Variants in WIPF3 observed in about 807,000 individuals in gnomAD.
The protein encoded by WIPF3 is WAS/WASL interacting protein family member 3.
In WIPF3, 33 loss-of-function variants were observed where a neutral mutation model predicts 38.9. The ratio of observed to expected loss-of-function variants is 0.85; its 90% confidence interval spans 0.64 to 1.14. WIPF3 has a LOEUF of 1.14. Among genes scored for constraint, WIPF3 ranks in the 50% most tolerant of loss-of-function variants. The probability of loss-of-function intolerance (pLI) is 0.00; values close to 1 mark genes in which losing one functional copy is unlikely to be tolerated. For missense variants in WIPF3, 711 were observed against 652.5 expected (o/e 1.09, Z -0.98); for synonymous variants, 324 against 269.3 (o/e 1.20, Z -1.99).
rs1351061649 is a variant in WIPF3 at position 29,878,598 on chromosome 7, T to C, written c.224-411T>C. 6.6e-6 allele frequency among the ~76,000 whole-genome samples: 1 copy of C among 152,210 alleles called. No homozygotes were observed. Among genetic ancestry groups the C allele is most frequent in the Non-Finnish European group, 1.5e-5 (1 of 68,034 alleles). On this transcript the variant is annotated intron_variant, in intron 3 of 8. Transcript: ENST00000242140. The surrounding 1 kb of genome is among the most constrained non-coding windows in gnomAD (Gnocchi z 4.0). ...CAAGAAGTTAAAATGACTGACTGAA[T>C]TAAATCTGTGGGTTTTCTTTGTCTA...
At chr7:29,837,640 AT>A (rs1185448728) in intron 2 of WIPF3, among the ~76,000 whole-genome samples, 1 of 152,110 alleles carries the variant, frequency 6.6e-6, no homozygotes, top group Non-Finnish European at 1.5e-5. Flanking sequence ...AAATTTTAAT[AT>A]TTTCTTAAAA....
chr7:29,881,973 G>A (rs1428495737), intron 4 of WIPF3, among the ~76,000 whole-genome samples: 1 of 152,126 alleles, frequency 6.6e-6, no homozygotes, highest in Admixed American at 6.5e-5. Flanking sequence ...CTCTCTGTCG[G>A]CCCAGGCCTG....
At chr7:29,902,187 A>C (rs1381604961) in intron 7 of WIPF3, among the ~76,000 whole-genome samples, 1 of 151,700 alleles carries the variant, frequency 6.6e-6, no homozygotes, top group Non-Finnish European at 1.5e-5. Flanking sequence ...GAGTTTCTTA[A>C]ATCTAAGAAC....
At chr7:29,814,707 G>A (rs1343706911) in intron 1 of WIPF3, among the ~76,000 whole-genome samples, 2 of 152,214 alleles carry the variant, frequency 1.3e-5, no homozygotes, top group Non-Finnish European at 2.9e-5. Context: ...TGTTTTGGGG[G>A]ATGAGAGATA....
intron 1 of WIPF3, among the ~76,000 whole-genome samples, chr7:29,814,748 G>A (rs1006578039): frequency 3.9e-5 from 6 of 152,224 alleles, no homozygotes; most frequent in African/African-American, 1.4e-4. Context: ...AATTGCTAGT[G>A]TAGGGAATAT....
intron 2 of WIPF3, among the ~76,000 whole-genome samples, chr7:29,835,654 T>C (rs1476132560): frequency 6.6e-6 from 1 of 152,212 alleles, no homozygotes; most frequent in African/African-American, 2.4e-5. Context: ...TGGCAAACTT[T>C]TCCTCTGAAG....
intron 1 of WIPF3, 144 bp downstream of exon 1, chr7:29,806,822 C>T (rs113011665): frequency 6.6e-6 from 1 of 151,446 alleles, no homozygotes. Context: ...CCGGGGAACC[C>T]CCGCCGGGCT....
intron 2 of WIPF3, among the ~76,000 whole-genome samples, chr7:29,849,284 T>C (rs1201872370): frequency 6.6e-6 from 1 of 152,320 alleles, no homozygotes; most frequent in South Asian, 2.1e-4. Context: ...GCAACAGGAA[T>C]GTCAGAGAAG....
intron 7 of WIPF3, 42 bp from the exon 8 acceptor site, chr7:29,904,244 C>A: frequency 6.3e-7 from 1 of 1,595,386 alleles, no homozygotes; most frequent in Non-Finnish European, 8.6e-7. Context: ...CACACCCGGT[C>A]CCTGGGCCAA....
Position 29,914,949 on chromosome 7 carries a change from TCAAAC to T in WIPF3, c.*438_*442del, listed in dbSNP as rs1786578552. The T allele has an allele frequency of 6.5e-6, 1 of 153,078 alleles. No individual in the cohort carries two copies. The highest frequency in any genetic ancestry group is 2.4e-5 in the African/African-American group (1 of 41,430). 9.5% of individuals were successfully genotyped at this position (153,078 alleles called of 1,614,324 possible). On this transcript the variant is annotated 3_prime_UTR_variant, in exon 9 of 9. Transcript: ENST00000242140. ...TATTCTCATCACACTAACTGCAAAA[TCAAAC>T]CAAATAATGCCTTATCAATGATGCA...
intron 7 of WIPF3, among the ~76,000 whole-genome samples, chr7:29,900,430 C>T (rs963656203): frequency 1.3e-5 from 2 of 152,108 alleles, no homozygotes; most frequent in Non-Finnish European, 2.9e-5. Context: ...CACCTGTGGA[C>T]AGGAAGTGAG....
rs571158681 is a variant in WIPF3 at position 29,904,443 on chromosome 7, C to A, written c.1428+81C>A. 8.5e-6 allele frequency: 12 copies of A among 1,412,898 alleles called. No individual in the cohort carries two copies. In the East Asian group the frequency reaches 2.8e-4, roughly 34 times the overall value. The allele number at this position is 1,412,898 out of a possible 1,614,324, so 87.5% of individuals were successfully genotyped here. A position where few individuals can be genotyped will look rare whatever the true frequency, so the allele number is the denominator to read the frequency against. On this transcript the variant is annotated intron_variant, in intron 8 of 8. Coordinates refer to ENST00000242140, the MANE Select transcript of WIPF3 (RefSeq NM_001080529.3). ...CAGAAATGGTAAGGGTATGCTTTCT[C>A]CTAAACAGCTTTATATTTTTCCTCA...
At chr7:29,853,952 T>C (rs1325371238) in intron 2 of WIPF3, among the ~76,000 whole-genome samples, 1 of 152,226 alleles carries the variant, frequency 6.6e-6, no homozygotes, top group Admixed American at 6.5e-5. Context: ...CATTGCAGCA[T>C]TTATGTCTGA....
At chr7:29,888,525 G>GTGTGTT (rs1785937942) in intron 6 of WIPF3, among the ~76,000 whole-genome samples, 1 of 152,036 alleles carries the variant, frequency 6.6e-6, no homozygotes, top group South Asian at 2.1e-4. Context: ...GTGTGTGTGT[G>GTGTGTT]TGTGTGTGTC....
At chr7:29,827,421 C>A (rs952520372) in intron 1 of WIPF3, among the ~76,000 whole-genome samples, 5 of 152,182 alleles carry the variant, frequency 3.3e-5, no homozygotes, top group Non-Finnish European at 7.4e-5. Flanking sequence ...AAATAAAATT[C>A]TTTTATTATT....
chr7:29,836,881 T>C (rs1784812090), intron 2 of WIPF3, among the ~76,000 whole-genome samples: 2 of 152,204 alleles, frequency 1.3e-5, no homozygotes, highest in East Asian at 3.9e-4. Flanking sequence ...TCCCAGCTAC[T>C]CAGGAGGCTG....
chr7:29,816,592 CT>C (rs34797114), intron 1 of WIPF3, among the ~76,000 whole-genome samples: 40,586 of 151,758 alleles, frequency 0.27, 6,291 homozygotes, highest in Admixed American at 0.39. Context: ...TTCCAAAGTG[CT>C]GGGATTACAG....
At chr7:29,899,406 A>C (rs758838748) in intron 7 of WIPF3, among the ~76,000 whole-genome samples, 1 of 152,172 alleles carries the variant, frequency 6.6e-6, no homozygotes, top group East Asian at 1.9e-4. Flanking sequence ...TATCACCTCC[A>C]GACATTATTT....
intron 6 of WIPF3, among the ~76,000 whole-genome samples, chr7:29,889,086 A>G (rs1030678926): frequency 1.3e-5 from 2 of 152,124 alleles, no homozygotes; most frequent in African/African-American, 4.8e-5. Context: ...GAGTGACTGG[A>G]TTTCCCTCTT....
Sources: gnomAD v4.1 joint callset for allele counts (sites outside exome capture counted in the v4.1 genomes callset) on GRCh38, gnomAD v4.1.1 for gene constraint, Gnocchi (gnomAD v3.1) non-coding constraint, MANE v1.5 for transcripts, NCBI Gene and HGNC (gene_info 2026-07-23, HGNC 2026-07-21) for gene names.